The following SH3BP1 variants were observed in gnomAD, a reference collection of about 807,000 sequenced individuals.
SH3BP1 encodes SH3 domain-binding protein 1.
A neutral mutation model predicts 69.8 loss-of-function variants in SH3BP1; 46 were observed. The ratio of observed to expected loss-of-function variants is 0.66; its 90% CI spans 0.52 to 0.84. SH3BP1 has a LOEUF of 0.84. Among genes scored for constraint, SH3BP1 ranks in the 40% least tolerant of loss-of-function variants. The probability of loss-of-function intolerance (pLI) is 0.00; values close to 1 mark genes in which losing one functional copy is unlikely to be tolerated. For synonymous variants in SH3BP1, 403 were observed against 378.0 expected (o/e 1.07, Z -0.77); for missense variants, 868 against 930.9 (o/e 0.93, Z 0.88).
intron 1 of SH3BP1, 71 bp downstream of exon 1, chr22:37,639,917 A>C: frequency 1.3e-6 from 1 of 794,892 alleles, no homozygotes; most frequent in Non-Finnish European, 1.9e-6. Flanking sequence ...GGGTCGGGGG[A>C]GACGGGGGTG....
intron 7 of SH3BP1, 36 bp downstream of exon 7, chr22:37,643,824 TG>T (rs1377023865): frequency 5.6e-6 from 9 of 1,607,404 alleles, no homozygotes; most frequent in African/African-American, 1.3e-5. Context: ...TATGTAGGGG[TG>T]GCAGGGGTGG....
rs1932793024 is a variant in SH3BP1 at position 37,646,827 on chromosome 22, C to T, written c.934C>T (p.Arg312Cys). The T allele has an allele frequency of 2.0e-6, 3 of 1,533,794 alleles. No individual in the cohort carries two copies. The highest frequency in any genetic ancestry group is 2.6e-6 in the Non-Finnish European group (3 of 1,142,520). ...CTCCTCTCGAACCCAGGGTCTCTTCCGTCTGGCTGCTGGGGCCTCGGTGCT... is the reference window on the plus strand; with the variant it reads ...CTCCTCTCGAACCCAGGGTCTCTTCTGTCTGGCTGCTGGGGCCTCGGTGCT... Reference protein sequence around the residue: ...SEGMKEEGLFRLAAGASVLKR... With the variant: ...SEGMKEEGLFCLAAGASVLKR... Residue 312 changes from arginine (R) to cysteine (C), a missense_variant, in exon 11 of 18, where the codon CGT (arginine) becomes TGT (cysteine). By Grantham distance (180) the Arg-to-Cys change is radical. Transcript: ENST00000649765.
rs746828473 is a variant in SH3BP1 at position 37,641,495 on chromosome 22, G to A, written c.207+17G>A. ...AAGCGGGTGGTGAGTGGGGGGTCCC[G>A]GGAAGGAGGGGCCTGAGCAGGAGAC... is the stretch of plus-strand genomic sequence containing the variant. On this transcript the variant is annotated intron_variant, in intron 3 of 17. Coordinates refer to ENST00000649765, the MANE Select transcript of SH3BP1 (RefSeq NM_018957.6). 24 of 1,537,652 alleles carry A rather than the reference G, an allele frequency of 1.6e-5. No homozygotes were observed. In the South Asian group the frequency reaches 1.7e-4, roughly 11 times the overall value.
Position 37,642,615 on chromosome 22 carries a change from G to A in SH3BP1, c.284G>A (p.Gly95Glu), listed in dbSNP as rs1471042276. Reference sequence around the variant, plus strand: ...GAGCTGGACCCTGATTCCAGCATGGGGTGAGCACAGACGGGGCCCAGCCCT... The same window carrying A: ...GAGCTGGACCCTGATTCCAGCATGGAGTGAGCACAGACGGGGCCCAGCCCT... ...FKELDPDSSM[G>E]KALEMSCAIQ... is the part of the protein sequence containing the mutation. Residue 95 changes from glycine to glutamate, a missense_variant and splice_region_variant, in exon 4 of 18, where the codon GGG (glycine) becomes GAG (glutamate). Physicochemically the swap from Gly to Glu is moderately conservative, Grantham distance 98. Transcript: ENST00000649765. 1.9e-6 allele frequency: 3 copies of A among 1,613,224 alleles called. No homozygotes were observed. Among genetic ancestry groups the A allele is most frequent in the Non-Finnish European group, 2.5e-6 (3 of 1,180,016 alleles).
chr22:37,641,190 G>C, intron 2 of SH3BP1, 22 bp downstream of exon 2: 1 of 1,549,918 alleles, frequency 6.5e-7, no homozygotes, highest in Non-Finnish European at 8.7e-7. Flanking sequence ...GGCCGGGCAG[G>C]TGGGAAGGCA....
At chr22:37,655,124 G>A in intron 17 of SH3BP1, 148 bp from the exon 18 acceptor site, 1 of 612,048 alleles carries the variant, frequency 1.6e-6, no homozygotes, top group South Asian at 2.1e-5. Context: ...ACAAGGAGAG[G>A]CCTAGACGAT....
At position 37,655,453 on chromosome 22, in the gene SH3BP1, C is replaced by A; in HGVS notation, c.1875C>A (p.Pro625=). 1.5e-6 allele frequency: 2 copies of A among 1,317,186 alleles called. No individual in the cohort carries two copies. The highest frequency in any genetic ancestry group is 3.3e-5 in the African/African-American group (2 of 60,906). 81.6% of individuals were successfully genotyped at this position (1,317,186 alleles called of 1,614,324 possible). A position where few individuals can be genotyped will look rare whatever the true frequency, so the allele number is the denominator to read the frequency against. Residue 625 remains proline (P), a synonymous_variant, in exon 18 of 18, where the codon CCC becomes CCA. Transcript: ENST00000649765. ...CCACAGTGCCACCCCCGTTACCCCC[C>A]ACACCCCCTCAGCCTGCCCGGCGCC... ...RAPTVPPPLP[P]TPPQPARRQS...
intron 14 of SH3BP1, chr22:37,649,738 C>T (rs1348649026): frequency 1.9e-5 from 5 of 258,910 alleles, no homozygotes; most frequent in Non-Finnish European, 3.9e-5. Flanking sequence ...GAGCCAAGAT[C>T]GGGCCACTGC....
chr22:37,653,792 G>C lies in SH3BP1; in HGVS notation c.1612G>C (p.Val538Leu). The change falls in exon 17 of 18, where the codon GTG becomes CTG. Residue 538 changes from valine to leucine, a missense_variant. Transcript: ENST00000649765. ...AATKERTESE[V>L]PPRPASPKVT... ...TTCCCTCTGCAGGACAGAGTCTGAG[G>C]TGCCTCCCAGACCAGCCTCCCCCAA... 6.2e-7 allele frequency: 1 copy of C among 1,612,784 alleles called. No individual in the cohort carries two copies. The highest frequency in any genetic ancestry group is 8.5e-7 in the Non-Finnish European group (1 of 1,179,060).
chr22:37,648,981 G>A (rs990913933), intron 14 of SH3BP1: 1 of 155,528 alleles, frequency 6.4e-6, no homozygotes, highest in Admixed American at 6.3e-5. Context: ...GGGATTACAG[G>A]TGTGAGCCAT....
Position 37,648,447 on chromosome 22 carries a change from C to A in SH3BP1, c.1316+12C>A, listed in dbSNP as rs28451041. 3 of 1,524,812 alleles carry A rather than the reference C, an allele frequency of 2.0e-6. No individual in the cohort carries two copies. The highest frequency in any genetic ancestry group is 2.7e-5 in the African/African-American group (2 of 73,394). 94.5% of individuals were successfully genotyped at this position (1,524,812 alleles called of 1,614,324 possible). On this transcript the variant is annotated intron_variant, in intron 14 of 17. Transcript: ENST00000649765. ...CCTGAGAAAGAAGGGTGAGGGGCCG[C>A]GGGCTGGGGGAGGTGGCAGGAGGAA...
At position 37,655,819 on chromosome 22, in the gene SH3BP1, C is replaced by T. The variant is rs1933022688; in HGVS notation, c.*135C>T. 3.4e-6 allele frequency: 5 copies of T among 1,465,104 alleles called. No homozygotes were observed. The highest frequency in any genetic ancestry group is 2.5e-4 in the Middle Eastern group (1 of 4,064). The allele number at this position is 1,465,104 out of a possible 1,614,324, so 90.8% of individuals were successfully genotyped here. On this transcript the variant is annotated 3_prime_UTR_variant, in exon 18 of 18. Transcript: ENST00000649765. ...ACAAGTGCCTCAGTGCCCACTGGGT[C>T]GGCCCCCATGGCCAGGAGGGCTCAG... is the stretch of plus-strand genomic sequence containing the variant.
intron 3 of SH3BP1, chr22:37,642,309 C>T: frequency 1.8e-6 from 1 of 547,072 alleles, no homozygotes; most frequent in Non-Finnish European, 3.3e-6. Context: ...CCTTCCTGCC[C>T]AGTCAAGTGG....
rs370394393 is a variant in SH3BP1 at position 37,641,138 on chromosome 22, C to T, written c.72C>T (p.Thr24=). 2.1e-4 allele frequency: 322 copies of T among 1,546,316 alleles called. No individual in the cohort carries two copies. The East Asian group carries it at 7.1e-3, about 34-fold the overall frequency. ...QTGSLGRTPE[T]AEFLGEDLLQ... Reference sequence around the variant, plus strand: ...CCACTCCCCGCAGCACCCCGGAGACCGCTGAGTTCCTGGGTGAGGACCTGC... The same window carrying T: ...CCACTCCCCGCAGCACCCCGGAGACTGCTGAGTTCCTGGGTGAGGACCTGC... The change falls in exon 2 of 18, where the codon ACC becomes ACT. Residue 24 remains threonine, a synonymous_variant. Transcript: ENST00000649765.
chr22:37,644,244 T>A (rs1932730870), intron 7 of SH3BP1, among the ~76,000 whole-genome samples: 1 of 152,038 alleles, frequency 6.6e-6, no homozygotes. Context: ...CTGGGCGTAG[T>A]GGCGGGCGCC....
At chr22:37,648,595 G>T (rs1028470975) in intron 14 of SH3BP1, among the ~76,000 whole-genome samples, 160 bp downstream of exon 14, 2 of 152,108 alleles carry the variant, frequency 1.3e-5, no homozygotes, top group African/African-American at 4.8e-5. Flanking sequence ...CAAAGGGGCT[G>T]TGCAGGCCAC....
Position 37,655,743 on chromosome 22 carries a change from C to A in SH3BP1, c.*59C>A. 1 of 1,448,916 alleles carries A rather than the reference C, an allele frequency of 6.9e-7. No individual in the cohort carries two copies. Among genetic ancestry groups the A allele is most frequent in the South Asian group, 1.5e-5 (1 of 68,338 alleles). 89.8% of individuals were successfully genotyped at this position (1,448,916 alleles called of 1,614,324 possible). ...CCCCTCCCTCCCCACCTGGCCCTCCCAGGACAGCTCTCGCCCCCCACAAAG... is the reference window on the plus strand; with the variant it reads ...CCCCTCCCTCCCCACCTGGCCCTCCAAGGACAGCTCTCGCCCCCCACAAAG... On this transcript the variant is annotated 3_prime_UTR_variant, in exon 18 of 18. Transcript: ENST00000649765.
At chr22:37,643,508 G>C (rs1932690839) in intron 6 of SH3BP1, 136 bp from the exon 7 acceptor site, 5 of 1,275,020 alleles carry the variant, frequency 3.9e-6, no homozygotes, top group Admixed American at 4.2e-5. Context: ...AGCCTGGGCA[G>C]AGGCCCCGGC....
chr22:37,650,652 A>G lies in SH3BP1; in HGVS notation c.1525A>G (p.Thr509Ala), dbSNP rs1446694445. The G allele has an allele frequency of 8.1e-6, 13 of 1,613,498 alleles. No individual in the cohort carries two copies. Among genetic ancestry groups the G allele is most frequent in the Non-Finnish European group, 1.0e-5 (12 of 1,179,830 alleles). Reference sequence around the variant, plus strand: ...GTCCACTGCCGTGCCCACCCCAGCCACCACCCCGGCTCCGGCTCCGGCTCC... The same window carrying G: ...GTCCACTGCCGTGCCCACCCCAGCCGCCACCCCGGCTCCGGCTCCGGCTCC... ...LPSTAVPTPATTPAPAPAPAP... is the reference protein window; with the variant it reads ...LPSTAVPTPAATPAPAPAPAP... Residue 509 changes from threonine to alanine, a missense_variant, in exon 16 of 18, where the codon ACC becomes GCC. Physicochemically the swap from Thr to Ala is moderately conservative, Grantham distance 58. Coordinates refer to ENST00000649765, the MANE Select transcript of SH3BP1 (RefSeq NM_018957.6).
Sources: allele counts gnomAD v4.1 joint callset (sites outside exome capture counted in the v4.1 genomes callset), GRCh38; gene constraint gnomAD v4.1.1; transcripts MANE v1.5; gene names NCBI Gene and HGNC (gene_info 2026-07-23, HGNC 2026-07-21).